Variants in ARHGAP30 observed in about 807,000 individuals in gnomAD.
ARHGAP30 encodes Rho GTPase activating protein 30, also known as rho GTPase-activating protein 30.
In ARHGAP30, 23 loss-of-function variants were observed where a neutral mutation model predicts 72.0. The ratio of observed to expected loss-of-function variants is 0.32; its 90% CI spans 0.23 to 0.45. The LOEUF is 0.45. Among genes scored for constraint, ARHGAP30 ranks in the 20% least tolerant of loss-of-function variants. The probability of loss-of-function intolerance (pLI) is 1.00; values close to 1 mark genes in which losing one functional copy is unlikely to be tolerated. For synonymous variants in ARHGAP30, 576 were observed against 528.2 expected (o/e 1.09, Z -1.24); for missense variants, 1,319 against 1,383.4 (o/e 0.95, Z 0.74).
At chr1:161,052,243 A>G (rs1161340989) in intron 9 of ARHGAP30, 43 bp downstream of exon 9, 2 of 1,606,182 alleles carry the variant, frequency 1.2e-6, no homozygotes, top group Non-Finnish European at 1.7e-6. Context: ...CGCTGGTCAC[A>G]TAGCACACAC....
rs1433654355 is a variant in ARHGAP30, at chr1:161,048,284, A to T, written c.2737T>A (p.Cys913Ser). 5.0e-6 allele frequency: 8 copies of T among 1,614,050 alleles called. No homozygotes were observed. The Admixed American group carries it at 1.0e-4, about 20-fold the overall frequency. The change falls in exon 12 of 12, where the codon TGT becomes AGT. Residue 913 changes from cysteine to serine, a missense_variant. Physicochemically the swap from Cys to Ser is moderately radical, Grantham distance 112. This residue lies in a region of ARHGAP30 where 1,097 missense variants were observed against 1,045.2 expected (regional missense o/e 1.05). Transcript: ENST00000368013. ...QPSPDGCLCP[C>S]SLGLGGVGMR... ...CCCACGCCACCCAGGCCAAGAGAAC[A>T]GGGGCATAGACAGCCGTCTGGACTG...
intron 1 of ARHGAP30, among the ~76,000 whole-genome samples, chr1:161,061,338 GTAT>G (rs1232581306): frequency 6.6e-6 from 1 of 151,824 alleles, no homozygotes; most frequent in Non-Finnish European, 1.5e-5. Flanking sequence ...GCTAATTTTT[GTAT>G]TTTTAGTAGA....
chr1:161,063,777 C>T (rs568230966), intron 1 of ARHGAP30, among the ~76,000 whole-genome samples: 1 of 152,232 alleles, frequency 6.6e-6, no homozygotes, highest in South Asian at 2.1e-4. Flanking sequence ...AAAGAGAATG[C>T]GCACCTAGGG....
intron 9 of ARHGAP30, among the ~76,000 whole-genome samples, 194 bp downstream of exon 9, chr1:161,052,092 T>C (rs1178638750): frequency 1.4e-5 from 2 of 146,156 alleles, no homozygotes; most frequent in African/African-American, 2.5e-5. Flanking sequence ...ATACGAACAC[T>C]CATCAACAAA....
At chr1:161,062,975 C>T (rs1440407916) in intron 1 of ARHGAP30, among the ~76,000 whole-genome samples, 1 of 151,960 alleles carries the variant, frequency 6.6e-6, no homozygotes, top group Non-Finnish European at 1.5e-5. Context: ...CCACCGTGCC[C>T]AGCTAATTTT....
At chr1:161,050,875 C>A (rs978922511) in intron 10 of ARHGAP30, among the ~76,000 whole-genome samples, 25 of 152,288 alleles carry the variant, frequency 1.6e-4, no homozygotes, top group Admixed American at 1.6e-3. Flanking sequence ...CTCCTGACCT[C>A]AGGTGATCTG....
Position 161,048,782 on chromosome 1 carries a change from C to G in ARHGAP30, c.2239G>C (p.Glu747Gln), listed in dbSNP as rs759817018. 1.2e-6 allele frequency: 2 copies of G among 1,613,954 alleles called. No homozygotes were observed. Residue 747 changes from glutamate (E) to glutamine (Q), a missense_variant, in exon 12 of 12, where the codon GAA becomes CAA. Transcript: ENST00000368013. ...PGGDEYTDEK[E>Q]KEIEREEDEQ... is the part of the protein sequence containing the mutation. ...TCCTCTTCTCTCTCAATTTCTTTTT[C>G]CTTCTCATCTGTATACTCATCTCCT...
chr1:161,065,755 C>CA (rs1489801313), intron 1 of ARHGAP30, among the ~76,000 whole-genome samples: 1 of 151,912 alleles, frequency 6.6e-6, no homozygotes, highest in African/African-American at 2.4e-5. Flanking sequence ...CTAGTAGAGA[C>CA]AGAGTTTCTC....
rs1301280960 is a variant in ARHGAP30, at chr1:161,048,888, T to G, written c.2133A>C (p.Glu711Asp). ...ACTTCTCTTCCTTGGCCTCTGTCTC[T>G]TCCCTACTCCCTTCTCTCAATCTGA... is the stretch of plus-strand genomic sequence containing the variant. ...TKVRLREGSR[E>D]ETEAKEEKSK... Residue 711 changes from glutamate (E) to aspartate (D), a missense_variant, in exon 12 of 12, where the codon GAA becomes GAC. Coordinates refer to ENST00000368013, the MANE Select transcript of ARHGAP30 (RefSeq NM_001025598.2). 1.2e-6 allele frequency: 2 copies of G among 1,614,012 alleles called. No homozygotes were observed. Among genetic ancestry groups the G allele is most frequent in the Non-Finnish European group, 1.7e-6 (2 of 1,180,024 alleles).
In ARHGAP30 at chr1:161,069,583, C is replaced by T; in HGVS notation, c.42G>A (p.Lys14=). 1.2e-6 allele frequency: 2 copies of T among 1,611,772 alleles called. No individual in the cohort carries two copies. Among genetic ancestry groups the T allele is most frequent in the Non-Finnish European group, 1.7e-6 (2 of 1,180,020 alleles). Residue 14 remains lysine, a synonymous_variant, in exon 1 of 12, where the codon AAG becomes AAA. Coordinates refer to ENST00000368013, the MANE Select transcript of ARHGAP30 (RefSeq NM_001025598.2). The surrounding 1 kb of genome is among the most constrained non-coding windows in gnomAD (Gnocchi z 4.9). The part of the protein sequence containing the change: ...RQKGKKKGSA[K]ERVFGCDLQE... ...GCAAGTCGCACCCAAAAACCCGCTC[C>T]TTTGCGCTGCCCTTCTTCTTTCCTT... is the stretch of plus-strand genomic sequence containing the variant.
chr1:161,053,462 T>TTCTCTCCC (rs1443836067), intron 5 of ARHGAP30, 77 bp from the exon 6 acceptor site: 88 of 692,964 alleles, frequency 1.3e-4, no homozygotes, highest in Non-Finnish European at 7.4e-5. Flanking sequence ...AAATACCTTA[T>TTCTCTCCC]TCTCTCTCTC....
intron 9 of ARHGAP30, 27 bp downstream of exon 9, chr1:161,052,259 C>T: frequency 2.5e-6 from 4 of 1,612,932 alleles, no homozygotes; most frequent in Non-Finnish European, 3.4e-6. Flanking sequence ...CACACACATA[C>T]ACACAGAAAT....
At position 161,048,320 on chromosome 1, in the gene ARHGAP30, C is replaced by T. The variant is rs1266569266; in HGVS notation, c.2701G>A (p.Glu901Lys). The change falls in exon 12 of 12, where the codon GAG (glutamate) becomes AAG (lysine). Residue 901 changes from glutamate (E) to lysine (K), a missense_variant. Glu to Lys is a moderately conservative substitution (Grantham distance 56). Transcript: ENST00000368013. The stretch of plus-strand genomic sequence containing the variant: ...CAGCCGTCTGGACTGGGCTGCCCCT[C>T]AGGCTCCATCTCCTCTGGCTGAGGT... ...QPPQPEEMEP[E>K]GQPSPDGCLC... 6.2e-7 allele frequency: 1 copy of T among 1,614,116 alleles called. No homozygotes were observed. The highest frequency in any genetic ancestry group is 8.5e-7 in the Non-Finnish European group (1 of 1,180,034).
chr1:161,052,684 C>G lies in ARHGAP30; in HGVS notation c.778G>C (p.Gly260Arg). The G allele has an allele frequency of 6.2e-7, 1 of 1,613,758 alleles. No individual in the cohort carries two copies. The highest frequency in any genetic ancestry group is 1.1e-5 in the South Asian group (1 of 91,074). ...PYHLPSILQA[G>R]DGPPQMRPYH... Reference sequence around the variant, plus strand: ...GGCCGCATCTGTGGGGGTCCATCGCCAGCCTGCAGTATGCTAGGCAGGTGA... The same window carrying G: ...GGCCGCATCTGTGGGGGTCCATCGCGAGCCTGCAGTATGCTAGGCAGGTGA... Residue 260 changes from glycine to arginine, a missense_variant, in exon 7 of 12, where the codon GGC becomes CGC. By Grantham distance (125) the Gly-to-Arg change is moderately radical (BLOSUM62 -2). This residue lies in a region of ARHGAP30 where 222 missense variants were observed against 338.2 expected (regional missense o/e 0.66). Coordinates refer to ENST00000368013, the MANE Select transcript of ARHGAP30 (RefSeq NM_001025598.2).
At position 161,047,080 on chromosome 1, in the gene ARHGAP30, CAAAGGAG is replaced by C. The variant is rs1487772802; in HGVS notation, c.*628_*634del. The C allele has an allele frequency of 9.1e-6, 4 of 440,518 alleles. No homozygotes were observed. Among genetic ancestry groups the C allele is most frequent in the East Asian group, 7.2e-5 (1 of 13,898 alleles). The allele number at this position is 440,518 out of a possible 1,614,324, so 27.3% of individuals were successfully genotyped here. On this transcript the variant is annotated 3_prime_UTR_variant, in exon 12 of 12. Transcript: ENST00000368013. ...TTCCTGAAATAGGAACAAGTTATTC[CAAAGGAG>C]AAAGGAGAGCCCAGAGAGATCTGTA... is the stretch of plus-strand genomic sequence containing the variant.
chr1:161,057,374 A>G (rs1412694366), intron 2 of ARHGAP30, among the ~76,000 whole-genome samples: 1 of 152,196 alleles, frequency 6.6e-6, no homozygotes. Flanking sequence ...GAAAGGGGGA[A>G]AAAATGGGCA....
At chr1:161,066,145 G>A (rs535523870) in intron 1 of ARHGAP30, among the ~76,000 whole-genome samples, 9 of 151,426 alleles carry the variant, frequency 5.9e-5, no homozygotes, top group South Asian at 4.2e-4. Flanking sequence ...GATTACAGGC[G>A]TGAGCCACCA....
intron 10 of ARHGAP30, 112 bp downstream of exon 10, chr1:161,051,202 A>G: frequency 6.8e-7 from 1 of 1,473,278 alleles, no homozygotes; most frequent in South Asian, 1.5e-5. Context: ...AACCACCCCA[A>G]AGCCCAAGGG....
In ARHGAP30 at chr1:161,048,835, A is replaced by C; in HGVS notation, c.2186T>G (p.Met729Arg). The C allele has an allele frequency of 6.2e-7, 1 of 1,613,786 alleles. No individual in the cohort carries two copies. Among genetic ancestry groups the C allele is most frequent in the Non-Finnish European group, 8.5e-7 (1 of 1,179,962 alleles). Reference protein sequence around the residue: ...KSKGQKKADSMEAKGVEEPGG... With the variant: ...KSKGQKKADSREAKGVEEPGG... ...TGGTTCCTCCACACCTTTAGCCTCC[A>C]TACTGTCAGCCTTCTTCTGACCTTT... The change falls in exon 12 of 12, where the codon ATG (methionine) becomes AGG (arginine). Residue 729 changes from methionine to arginine, a missense_variant. Physicochemically the swap from Met to Arg is moderately conservative, Grantham distance 91. Around this residue, in one of 2 missense-constraint regions of ARHGAP30, gnomAD observed 1,097 missense variants for 1,045.2 expected, o/e 1.05. Transcript: ENST00000368013.
Sources: allele counts gnomAD v4.1 joint callset (sites outside exome capture counted in the v4.1 genomes callset), GRCh38; gene constraint gnomAD v4.1.1; regional missense constraint gnomAD v4.1.1; non-coding constraint Gnocchi (gnomAD v3.1); transcripts MANE v1.5; gene names NCBI Gene and HGNC (gene_info 2026-07-23, HGNC 2026-07-21).